RGS7: variants seen among roughly 807,000 people sequenced by gnomAD.
RGS7 encodes the protein regulator of G-protein signaling 7.
A neutral mutation model predicts 81.1 loss-of-function variants in RGS7; 27 were observed. That is an observed-to-expected ratio of 0.33 (90% CI 0.25 to 0.46). The LOEUF is 0.46. Ranked by LOEUF, RGS7 falls within the 20% of genes least tolerant of loss-of-function variation. The probability of loss-of-function intolerance (pLI) is 1.00; values close to 1 mark genes in which losing one functional copy is unlikely to be tolerated. For missense variants in RGS7, 396 were observed against 607.4 expected, an observed-to-expected ratio of 0.65 and a Z score of 3.66; for synonymous variants, 208 against 207.7, an observed-to-expected ratio of 1.00 and a Z score of -0.01.
intron 2 of RGS7, among the ~76,000 whole-genome samples, chr1:241,181,305 G>A (rs767699914): frequency 1.3e-5 from 2 of 152,092 alleles, no homozygotes; most frequent in African/African-American, 2.4e-5. Context: ...GTACATATAC[G>A]GATACGGGGT....
intron 3 of RGS7, among the ~76,000 whole-genome samples, chr1:241,007,854 G>C (rs909174421): frequency 2.0e-5 from 3 of 152,280 alleles, no homozygotes; most frequent in East Asian, 3.9e-4. Flanking sequence ...TGATTAAGGC[G>C]CTGCATCTTG....
intron 4 of RGS7, among the ~76,000 whole-genome samples, chr1:240,941,409 A>G: frequency 6.6e-6 from 1 of 152,122 alleles, no homozygotes; most frequent in Non-Finnish European, 1.5e-5. Flanking sequence ...GTTGGGGTGA[A>G]TTTTTTGCTT....
chr1:240,917,812 C>T (rs1487304448), intron 6 of RGS7, among the ~76,000 whole-genome samples: 1 of 152,018 alleles, frequency 6.6e-6, no homozygotes, highest in Non-Finnish European at 1.5e-5. Flanking sequence ...AAGTAAAAGA[C>T]AGGGACTATC....
chr1:240,873,933 AAC>A (rs1326677312), intron 6 of RGS7, among the ~76,000 whole-genome samples: 1 of 152,134 alleles, frequency 6.6e-6, no homozygotes, highest in Non-Finnish European at 1.5e-5. Flanking sequence ...CTGAATTTTA[AAC>A]AGTCAGGCAG....
At chr1:240,789,659 G>A (rs1269674858) in intron 18 of RGS7, among the ~76,000 whole-genome samples, 2 of 152,128 alleles carry the variant, frequency 1.3e-5, no homozygotes, top group African/African-American at 4.8e-5. Flanking sequence ...TTATTAGGAT[G>A]AGGAAATTAC....
chr1:241,293,146 G>A (rs1360876548), intron 2 of RGS7, among the ~76,000 whole-genome samples: 1 of 152,176 alleles, frequency 6.6e-6, no homozygotes, highest in South Asian at 2.1e-4. Context: ...TAATGGAGCT[G>A]AAAATTTCCT....
intron 2 of RGS7, among the ~76,000 whole-genome samples, chr1:241,238,753 C>T (rs576905198): frequency 1.3e-5 from 2 of 151,340 alleles, no homozygotes; most frequent in African/African-American, 2.4e-5. Context: ...TTGAATGATC[C>T]GGGAAGAAAC....
At chr1:240,866,233 C>G (rs1037982105) in intron 9 of RGS7, among the ~76,000 whole-genome samples, 1 of 152,148 alleles carries the variant, frequency 6.6e-6, no homozygotes, top group Non-Finnish European at 1.5e-5. Context: ...GGATGATGGC[C>G]GGGCGCGGTT....
intron 3 of RGS7, among the ~76,000 whole-genome samples, chr1:241,087,968 C>CTATA (rs1213344745): frequency 3.4e-5 from 3 of 87,290 alleles, no homozygotes; most frequent in African/African-American, 8.6e-5. Flanking sequence ...CTCTCTCTCT[C>CTATA]TCTCTCTCTA....
chr1:240,784,569 C>T (rs1417424029), intron 18 of RGS7, among the ~76,000 whole-genome samples: 1 of 151,906 alleles, frequency 6.6e-6, no homozygotes, highest in Non-Finnish European at 1.5e-5. Flanking sequence ...TGGCGTGAAC[C>T]CGGGAGGCGG....
rs187178211 is a variant in RGS7 at position 240,777,177 on chromosome 1, C to T, written c.*7-964G>A. 2.9e-3 allele frequency among the ~76,000 whole-genome samples: 445 copies of T among 152,166 alleles called. 7 individuals carry two copies. The South Asian group carries it at 0.038, about 13-fold the overall frequency. On this transcript the variant is annotated intron_variant, in intron 18 of 18. Coordinates refer to ENST00000440928, the MANE Select transcript of RGS7 (RefSeq NM_001364886.1). ...AGGCGTGGTGGCGGGCACCTGTAAT[C>T]CCAGCTACTCAGGAGAATCACTTGA...
intron 2 of RGS7, among the ~76,000 whole-genome samples, chr1:241,212,521 G>C (rs1246159358): frequency 6.6e-6 from 1 of 152,194 alleles, no homozygotes; most frequent in African/African-American, 2.4e-5. Context: ...ATCTGAAGCT[G>C]CCAGGGTAGG....
chr1:240,893,131 T>A (rs1668525365), intron 6 of RGS7, among the ~76,000 whole-genome samples: 1 of 152,184 alleles, frequency 6.6e-6, no homozygotes, highest in African/African-American at 2.4e-5. Context: ...GACAGCTGAC[T>A]GACCCAGTCC....
intron 4 of RGS7, among the ~76,000 whole-genome samples, chr1:240,950,468 C>CATTAACAGG (rs777677744): frequency 3.3e-5 from 5 of 152,136 alleles, no homozygotes; most frequent in Non-Finnish European, 5.9e-5. Flanking sequence ...AAGCAAACAA[C>CATTAACAGG]ATTAACAGGG....
At chr1:241,244,255 T>C (rs1473455236) in intron 2 of RGS7, among the ~76,000 whole-genome samples, 1 of 151,784 alleles carries the variant, frequency 6.6e-6, no homozygotes, top group African/African-American at 2.4e-5. Flanking sequence ...TCAAACAAAT[T>C]TACAAGAAAA....
chr1:241,285,899 G>A lies in RGS7; in HGVS notation c.78+69800C>T, dbSNP rs1035534857. On this transcript the variant is annotated intron_variant, in intron 2 of 18. Coordinates refer to ENST00000440928, the MANE Select transcript of RGS7 (RefSeq NM_001364886.1). ...ATATACCTAGTTTTAAAGGTGCAGG[G>A]TTATAAGCATAAAAATGATCAGTCA... Among the ~76,000 whole-genome samples the A allele has an allele frequency of 2.6e-5, 4 of 152,082 alleles. No homozygotes were observed. In the East Asian group the frequency reaches 5.8e-4, roughly 22 times the overall value.
intron 3 of RGS7, among the ~76,000 whole-genome samples, chr1:241,004,854 G>A (rs1453160520): frequency 6.6e-6 from 1 of 152,182 alleles, no homozygotes; most frequent in Non-Finnish European, 1.5e-5. Flanking sequence ...TGGCTTTGAG[G>A]AGAAGGGGTT....
At chr1:241,142,009 G>A (rs2067954100) in intron 2 of RGS7, among the ~76,000 whole-genome samples, 1 of 152,210 alleles carries the variant, frequency 6.6e-6, no homozygotes, top group Admixed American at 6.5e-5. Flanking sequence ...GGGGCTGCAG[G>A]CCCCATGCTA....
intron 2 of RGS7, among the ~76,000 whole-genome samples, chr1:241,282,838 C>T (rs1193357669): frequency 2.6e-5 from 4 of 152,136 alleles, no homozygotes; most frequent in Non-Finnish European, 5.9e-5. Context: ...GCTTTTTCCT[C>T]TTTAGCTTTC....
Sources: gnomAD v4.1 joint callset for allele counts (sites outside exome capture counted in the v4.1 genomes callset) on GRCh38, gnomAD v4.1.1 for gene constraint, MANE v1.5 for transcripts, NCBI Gene and HGNC (gene_info 2026-07-23, HGNC 2026-07-21) for gene names.